The following NLRP5 variants were observed in gnomAD, a reference collection of about 807,000 sequenced individuals.
NLRP5 encodes the protein NLR family pyrin domain containing 5.
NLRP5 carries 93 observed loss-of-function variants against 113.1 expected under a neutral mutation model. That is an observed-to-expected ratio of 0.82 (90% CI 0.70 to 0.98). NLRP5 has a LOEUF of 0.98. NLRP5 is among the 50% of genes least tolerant of loss of function. NLRP5 has a pLI of 0.00. For synonymous variants in NLRP5, 751 were observed against 600.7 expected (o/e 1.25, Z -3.66); for missense variants, 1,808 against 1,514.3 (o/e 1.19, Z -3.22).
the NLRP5 span, chr19:55,987,948 TCAGTTCC>T: frequency 6.7e-7 from 1 of 1,502,900 alleles, no homozygotes; most frequent in Non-Finnish European, 9.3e-7. Flanking sequence ...GCTTGATTGA[TCAGTTCC>T]CACTCTGACA....
chr19:56,015,669 G>C, intron 3 of NLRP5, 73 bp from the exon 4 acceptor site: 1 of 1,241,064 alleles, frequency 8.1e-7, no homozygotes, highest in South Asian at 1.7e-5. Flanking sequence ...GTTTATCTGG[G>C]GTGTCCAACA....
chr19:56,006,488 C>A lies in NLRP5; in HGVS notation c.443-2300C>A, dbSNP rs186113708. Among the ~76,000 whole-genome samples the A allele has an allele frequency of 2.9e-3, 436 of 151,994 alleles. 4 individuals are homozygous for A. The highest frequency in any genetic ancestry group is 9.9e-3 in the African/African-American group (409 of 41,468). On this transcript the variant is annotated intron_variant, in intron 2 of 14. Coordinates refer to ENST00000390649, the MANE Select transcript of NLRP5 (RefSeq NM_153447.4). ...GGCTAATGCCTGTAATCCCAGCACT[C>A]TGGGAGGCCAAGGTGGGTGGATCAT...
In NLRP5 at chr19:56,027,918, G is replaced by A. The variant is rs34175666; in HGVS notation, c.1685G>A (p.Arg562His). ...CAAGGACTCGGGGAGTCTGAGCTCC[G>A]TGCTCTGTTTCACATGAACATCCTT... is the stretch of plus-strand genomic sequence containing the variant. The change falls in exon 7 of 15, where the codon CGT (arginine) becomes CAT (histidine). Residue 562 changes from arginine to histidine, a missense_variant. By Grantham distance (29) the Arg-to-His change is conservative. Coordinates refer to ENST00000390649, the MANE Select transcript of NLRP5 (RefSeq NM_153447.4). 10,699 of 1,613,756 alleles carry A rather than the reference G, an allele frequency of 6.6e-3. 45 individuals carry two copies. The highest frequency in any genetic ancestry group is 0.011 in the Middle Eastern group (64 of 6,062).
chr19:56,040,783 AG>A (rs1403410839), intron 10 of NLRP5, 138 bp from the exon 11 acceptor site: 4 of 649,874 alleles, frequency 6.2e-6, no homozygotes, highest in African/African-American at 3.7e-5. Flanking sequence ...AAAGGCAGAG[AG>A]GATGCGACTT....
chr19:56,024,586 C>T (rs73619253), intron 6 of NLRP5, among the ~76,000 whole-genome samples: 28,156 of 147,862 alleles, frequency 0.19, 2,990 homozygotes, highest in East Asian at 0.39. Context: ...TATATACATA[C>T]ACACACACAC....
At chr19:55,994,425 G>A in the NLRP5 span, among the ~76,000 whole-genome samples, 1 of 152,104 alleles carries the variant, frequency 6.6e-6, no homozygotes, top group Non-Finnish European at 1.5e-5. Context: ...GGGGGACAGA[G>A]TCTTGTTCTG....
intron 7 of NLRP5, among the ~76,000 whole-genome samples, chr19:56,030,004 G>A (rs1226670252): frequency 1.3e-5 from 2 of 149,978 alleles, no homozygotes; most frequent in African/African-American, 2.5e-5. Flanking sequence ...GCAGTGAGCC[G>A]AGATCACGCC....
At chr19:56,007,958 G>A (rs550859402) in intron 2 of NLRP5, among the ~76,000 whole-genome samples, 8 of 125,556 alleles carry the variant, frequency 6.4e-5, no homozygotes, top group East Asian at 2.0e-4. Flanking sequence ...TTGCTCTGTC[G>A]CCCAGGCTGG....
chr19:56,004,977 C>G, intron 2 of NLRP5, among the ~76,000 whole-genome samples: 1 of 151,500 alleles, frequency 6.6e-6, no homozygotes, highest in East Asian at 1.9e-4. Context: ...GCCTGTAATC[C>G]CAGCTACTCA....
rs1984360442 is a variant in NLRP5 at position 56,061,665 on chromosome 19, G to T, written c.*137G>T. On this transcript the variant is annotated 3_prime_UTR_variant, in exon 15 of 15. Transcript: ENST00000390649. ...TCTGATTCTCACAAAGCCCTCAATG[G>T]TAGTGATTCTTCTGTGTTCACTCTA... The T allele has an allele frequency of 3.1e-6, 3 of 974,676 alleles. No individual in the cohort carries two copies. In the Admixed American group the frequency reaches 6.4e-5, roughly 21 times the overall value. The allele number at this position is 974,676 out of a possible 1,614,324, so 60.4% of individuals were successfully genotyped here.
rs772478465 is a variant in NLRP5 at position 56,027,403 on chromosome 19, C to T, written c.1170C>T (p.Leu390=). 1 of 1,613,532 alleles carries T rather than the reference C, an allele frequency of 6.2e-7. No individual in the cohort carries two copies. Among genetic ancestry groups the T allele is most frequent in the Non-Finnish European group, 8.5e-7 (1 of 1,179,706 alleles). Residue 390 remains leucine (L), a synonymous_variant, in exon 7 of 15, where the codon CTC becomes CTT. Transcript: ENST00000390649. ...CTGAGAAGCAGCCTCCGTTCACCCTCATACGCAGTCTGCTGAGGAAGGTCC... is the reference window on the plus strand; with the variant it reads ...CTGAGAAGCAGCCTCCGTTCACCCTTATACGCAGTCTGCTGAGGAAGGTCC...
At chr19:56,048,990 T>TA (rs1568501341) in intron 11 of NLRP5, among the ~76,000 whole-genome samples, 13 of 135,868 alleles carry the variant, frequency 9.6e-5, no homozygotes, top group African/African-American at 3.3e-4. Context: ...TTTTTTTTTT[T>TA]TTTTTTTTTG....
chr19:56,025,394 C>CTCTCTCTCTCTCTCTCTCTCTCTCTCTG (rs1389626555), intron 6 of NLRP5, among the ~76,000 whole-genome samples: 26 of 151,646 alleles, frequency 1.7e-4, no homozygotes, highest in Non-Finnish European at 3.1e-4. Context: ...CGTTCTCTCT[C>CTCTCTCTCTCTCTCTCTCTCTCTCTCTG]TCTCTCTCTC....
chr19:55,989,244 A>G, the NLRP5 span, among the ~76,000 whole-genome samples: 1 of 151,930 alleles, frequency 6.6e-6, no homozygotes, highest in East Asian at 1.9e-4. Flanking sequence ...GGTACTTTTT[A>G]GTATTTGGTG....
At chr19:56,037,584 T>A (rs1424924059) in intron 9 of NLRP5, among the ~76,000 whole-genome samples, 1 of 150,674 alleles carries the variant, frequency 6.6e-6, no homozygotes, top group African/African-American at 2.4e-5. Context: ...TCCCAGCTAC[T>A]CAGGAGGCTG....
chr19:56,028,877 GC>G (rs1160134008), intron 7 of NLRP5, among the ~76,000 whole-genome samples: 1 of 152,156 alleles, frequency 6.6e-6, no homozygotes, highest in Non-Finnish European at 1.5e-5. Flanking sequence ...AGATTCTCCT[GC>G]CTCAGGCTGC....
At chr19:56,024,586 C>CAT (rs1568489686) in intron 6 of NLRP5, among the ~76,000 whole-genome samples, 1 of 147,918 alleles carries the variant, frequency 6.8e-6, no homozygotes, top group African/African-American at 2.5e-5. Context: ...TATATACATA[C>CAT]ACACACACAC....
intron 12 of NLRP5, among the ~76,000 whole-genome samples, chr19:56,051,159 C>T (rs1042193001): frequency 6.6e-6 from 1 of 152,016 alleles, no homozygotes; most frequent in African/African-American, 2.4e-5. Flanking sequence ...GTAGTCAGCA[C>T]TTAATGCAAC....
intron 3 of NLRP5, among the ~76,000 whole-genome samples, chr19:56,010,742 CA>C (rs1412317286): frequency 1.9e-4 from 8 of 41,274 alleles, no homozygotes; most frequent in East Asian, 1.2e-3. Context: ...AACTCTGTCT[CA>C]AAAAAAAAAA....
Sources: gnomAD v4.1 joint callset for allele counts (sites outside exome capture counted in the v4.1 genomes callset) on GRCh38, gnomAD v4.1.1 for gene constraint, MANE v1.5 for transcripts, NCBI Gene and HGNC (gene_info 2026-07-23, HGNC 2026-07-21) for gene names.